Variants in TASP1 observed in about 807,000 individuals in gnomAD.
TASP1 encodes taspase 1.
Under a neutral mutation model 56.6 loss-of-function variants are expected in TASP1, and 16 were observed. The ratio of observed to expected loss-of-function variants is 0.28; its 90% CI spans 0.19 to 0.43. The LOEUF (loss-of-function observed/expected upper bound fraction) is 0.43. TASP1 is among the 20% of genes least tolerant of loss of function. The probability of loss-of-function intolerance (pLI) is 1.00; values close to 1 mark genes in which losing one functional copy is unlikely to be tolerated. For synonymous variants in TASP1, 179 were observed against 184.2 expected (o/e 0.97, Z 0.23); for missense variants, 393 against 511.6 (o/e 0.77, Z 2.24).
At chr20:13,567,656 A>T (rs1420412950) in intron 7 of TASP1, among the ~76,000 whole-genome samples, 1 of 152,142 alleles carries the variant, frequency 6.6e-6, no homozygotes, top group Non-Finnish European at 1.5e-5. Flanking sequence ...ATACACCACA[A>T]TATTTGTGAG....
At chr20:13,373,405 T>C in the TASP1 span, among the ~76,000 whole-genome samples, 1 of 152,086 alleles carries the variant, frequency 6.6e-6, no homozygotes, top group Non-Finnish European at 1.5e-5. Flanking sequence ...AGCCTAAAAA[T>C]TTCCTTTAGT....
chr20:13,186,741 C>G, the TASP1 span, among the ~76,000 whole-genome samples: 1 of 152,300 alleles, frequency 6.6e-6, no homozygotes, highest in South Asian at 2.1e-4. Context: ...GCACTTATAG[C>G]TAAGCCTTAA....
intron 10 of TASP1, among the ~76,000 whole-genome samples, chr20:13,522,719 C>A (rs2044812476): frequency 6.6e-6 from 1 of 152,080 alleles, no homozygotes; most frequent in African/African-American, 2.4e-5. Context: ...ATCATCAGCA[C>A]ATAGATGGTA....
chr20:13,282,715 C>T, the TASP1 span, among the ~76,000 whole-genome samples: 152 of 152,294 alleles, frequency 1.0e-3, no homozygotes, highest in African/African-American at 3.5e-3. Context: ...TAAATAAAGT[C>T]GTGTTCTGTG....
chr20:13,601,929 T>A (rs1026460105), intron 4 of TASP1, among the ~76,000 whole-genome samples: 1 of 129,932 alleles, frequency 7.7e-6, no homozygotes. Context: ...CAGGCTGGAG[T>A]GCAGTGGCTC....
chr20:13,319,693 G>A, the TASP1 span, among the ~76,000 whole-genome samples: 1 of 152,162 alleles, frequency 6.6e-6, no homozygotes, highest in African/African-American at 2.4e-5. Context: ...TTAAGTTTTG[G>A]CTACAGGAAA....
At chr20:13,620,011 T>C (rs2048652609) in intron 4 of TASP1, among the ~76,000 whole-genome samples, 1 of 152,052 alleles carries the variant, frequency 6.6e-6, no homozygotes, top group Non-Finnish European at 1.5e-5. Context: ...CCACCTTCCC[T>C]CCCAAAACTC....
the TASP1 span, among the ~76,000 whole-genome samples, chr20:13,245,900 C>G: frequency 0.15 from 22,722 of 152,120 alleles, 1,749 homozygotes; most frequent in East Asian, 0.24. Flanking sequence ...TAGACTCTCA[C>G]TATTCCTTGT....
chr20:13,417,787 A>T (rs901373185), intron 12 of TASP1, among the ~76,000 whole-genome samples: 1 of 152,218 alleles, frequency 6.6e-6, no homozygotes, highest in Admixed American at 6.5e-5. Context: ...CTCTTGTAAC[A>T]TTAAATGCAC....
chr20:13,527,165 G>A (rs187981166), intron 10 of TASP1, among the ~76,000 whole-genome samples: 2 of 152,100 alleles, frequency 1.3e-5, no homozygotes, highest in Non-Finnish European at 2.9e-5. Flanking sequence ...GGCCAAGATG[G>A]AACAGGTCAG....
chr20:13,423,206 G>C (rs554547299), intron 12 of TASP1, among the ~76,000 whole-genome samples: 1 of 152,202 alleles, frequency 6.6e-6, no homozygotes, highest in Admixed American at 6.5e-5. Context: ...GCTCTACATG[G>C]ATATGGAACC....
intron 11 of TASP1, among the ~76,000 whole-genome samples, chr20:13,444,608 AG>A (rs2043335082): frequency 6.6e-6 from 1 of 152,200 alleles, no homozygotes; most frequent in African/African-American, 2.4e-5. Flanking sequence ...TGGAAGATCA[AG>A]GACTTTTTCT....
chr20:13,584,608 T>G (rs1244898754), intron 5 of TASP1, among the ~76,000 whole-genome samples: 5 of 152,192 alleles, frequency 3.3e-5, no homozygotes, highest in Non-Finnish European at 5.9e-5. Context: ...AGCACTGTAC[T>G]CAACAACTCC....
chr20:13,186,273 C>T, the TASP1 span, among the ~76,000 whole-genome samples: 2 of 152,198 alleles, frequency 1.3e-5, no homozygotes, highest in Admixed American at 6.5e-5. Flanking sequence ...ATGTACATAA[C>T]ACTTTCCATA....
chr20:13,620,876 ATT>A (rs2048690847), intron 4 of TASP1, among the ~76,000 whole-genome samples: 3 of 151,924 alleles, frequency 2.0e-5, no homozygotes, highest in Non-Finnish European at 4.4e-5. Context: ...GACCCAAGCT[ATT>A]ACAATACTAC....
At chr20:13,561,162 T>G (rs779131284) in intron 7 of TASP1, among the ~76,000 whole-genome samples, 6 of 152,024 alleles carry the variant, frequency 3.9e-5, no homozygotes, top group Non-Finnish European at 7.4e-5. Flanking sequence ...AAACAAAAAC[T>G]GAGATAGTTC....
At chr20:13,605,351 G>A (rs369658949) in intron 4 of TASP1, among the ~76,000 whole-genome samples, 194 of 152,046 alleles carry the variant, frequency 1.3e-3, no homozygotes, top group Non-Finnish European at 2.2e-3. Flanking sequence ...CAATAAAGCT[G>A]ACAAAAAAGT....
chr20:13,638,458 G>A (rs1037795764), intron 1 of TASP1, among the ~76,000 whole-genome samples: 23 of 151,518 alleles, frequency 1.5e-4, no homozygotes, highest in African/African-American at 5.6e-4. Flanking sequence ...CTAACGACCC[G>A]CAGGACTCTC....
At chr20:13,632,236 T>TGTAATCCCA (rs1412295660) in intron 1 of TASP1, among the ~76,000 whole-genome samples, 2 of 150,850 alleles carry the variant, frequency 1.3e-5, no homozygotes, top group East Asian at 3.9e-4. Flanking sequence ...GGCGCGTTCC[T>TGTAATCCCA]GTAATCCCAG....
Sources: allele counts gnomAD v4.1 joint callset (sites outside exome capture counted in the v4.1 genomes callset), GRCh38; gene constraint gnomAD v4.1.1; transcripts MANE v1.5; gene names NCBI Gene and HGNC (gene_info 2026-07-23, HGNC 2026-07-21).